Variants in SLC8A1 observed in about 807,000 individuals in gnomAD.
SLC8A1 encodes the protein solute carrier family 8 member A1.
A neutral mutation model predicts 68.3 loss-of-function variants in SLC8A1; 18 were observed. The ratio of observed to expected loss-of-function variants is 0.26; its 90% confidence interval spans 0.18 to 0.39. The LOEUF (loss-of-function observed/expected upper bound fraction) is 0.39, where lower values mean the gene tolerates loss of function less well. Among genes scored for constraint, SLC8A1 ranks in the 10% least tolerant of loss-of-function variants. SLC8A1 has a pLI of 1.00. For synonymous variants in SLC8A1, 475 were observed against 415.5 expected (o/e 1.14, Z -1.74); for missense variants, 985 against 1,156.7 (o/e 0.85, Z 2.15).
intron 2 of SLC8A1, chr2:40,251,468 A>C (rs1209846035): frequency 6.6e-6 from 1 of 152,228 alleles, no homozygotes; most frequent in Non-Finnish European, 1.5e-5. Context: ...CGTTCTTCCA[A>C]AAAGGGCCAT....
intron 2 of SLC8A1, among the ~76,000 whole-genome samples, chr2:40,288,661 AT>A (rs1410089090): frequency 6.6e-6 from 1 of 151,968 alleles, no homozygotes; most frequent in Non-Finnish European, 1.5e-5. Context: ...AATCATCCGC[AT>A]AGTATTTACA....
At chr2:40,425,328 CTA>C (rs3060371) in intron 2 of SLC8A1, among the ~76,000 whole-genome samples, 12,387 of 151,636 alleles carry the variant, frequency 0.082, 1,107 homozygotes, top group East Asian at 0.4. Context: ...ATTTAAATGA[CTA>C]TTTCTACACT....
intron 2 of SLC8A1, among the ~76,000 whole-genome samples, chr2:40,281,270 G>GT (rs934620820): frequency 1.2e-4 from 18 of 152,164 alleles, no homozygotes; most frequent in African/African-American, 4.1e-4. Flanking sequence ...GGTTGGGGGG[G>GT]TGCTCTGAGA....
chr2:40,243,215 G>T (rs1257582039), intron 2 of SLC8A1, among the ~76,000 whole-genome samples: 1 of 152,104 alleles, frequency 6.6e-6, no homozygotes, highest in Non-Finnish European at 1.5e-5. Flanking sequence ...GAAAATAAAG[G>T]CCAGGCGTGT....
chr2:40,402,759 A>T (rs1559537257), intron 2 of SLC8A1, among the ~76,000 whole-genome samples: 1 of 152,176 alleles, frequency 6.6e-6, no homozygotes, highest in African/African-American at 2.4e-5. Flanking sequence ...GTTTTCCATC[A>T]CAGGAAAGTA....
At chr2:40,352,793 T>G (rs370396301) in intron 2 of SLC8A1, among the ~76,000 whole-genome samples, 2 of 152,286 alleles carry the variant, frequency 1.3e-5, no homozygotes, top group East Asian at 1.9e-4. Context: ...TGGCTTTAAG[T>G]TAACACCAGG....
At chr2:40,259,702 G>A (rs978883232) in intron 2 of SLC8A1, among the ~76,000 whole-genome samples, 2 of 152,114 alleles carry the variant, frequency 1.3e-5, no homozygotes, top group African/African-American at 4.8e-5. Flanking sequence ...GGGTTTGGAG[G>A]TTGATTTACT....
intron 2 of SLC8A1, among the ~76,000 whole-genome samples, chr2:40,407,058 TCAG>T (rs1482139412): frequency 7.2e-5 from 11 of 152,214 alleles, no homozygotes; most frequent in Admixed American, 5.2e-4. Context: ...AGTATGTCAC[TCAG>T]CAGATTTGTG....
chr2:40,341,073 GA>G (rs1667543957), intron 2 of SLC8A1, among the ~76,000 whole-genome samples: 2 of 152,176 alleles, frequency 1.3e-5, no homozygotes, highest in South Asian at 4.1e-4. Flanking sequence ...GTAGTAGAGA[GA>G]AGAGGGGTTT....
chr2:40,351,324 C>A (rs561040762), intron 2 of SLC8A1, among the ~76,000 whole-genome samples: 1 of 152,192 alleles, frequency 6.6e-6, no homozygotes, highest in East Asian at 1.9e-4. Flanking sequence ...CTCACCTCTT[C>A]CACTCCTCAC....
At chr2:40,163,095 T>A (rs1382371304) in intron 5 of SLC8A1, among the ~76,000 whole-genome samples, 1 of 152,134 alleles carries the variant, frequency 6.6e-6, no homozygotes, top group Non-Finnish European at 1.5e-5. Flanking sequence ...CTGGAAATAA[T>A]CTATGGAAGC....
upstream of SLC8A1, chr2:40,453,185 G>T (rs1171732798): frequency 6.6e-6 from 1 of 152,164 alleles, no homozygotes; most frequent in Non-Finnish European, 1.5e-5. Context: ...AGATGCTGTA[G>T]AATCTGAGGC....
chr2:40,253,083 AAT>A (rs2063178831), intron 2 of SLC8A1, among the ~76,000 whole-genome samples: 3 of 144,668 alleles, frequency 2.1e-5, no homozygotes, highest in Admixed American at 6.9e-5. Context: ...TATGTGTATA[AAT>A]GTATATAGTA....
At position 40,314,712 on chromosome 2, in the gene SLC8A1, G is replaced by A. The variant is rs147567924; in HGVS notation, c.1808+113761C>T. On this transcript the variant is annotated intron_variant, in intron 2 of 7. Transcript: ENST00000406785. ...TTTTAATTTTCAGTGTACAAGTCTT[G>A]CCCATCTTTTGGTCAGATTTATCCC... is the stretch of plus-strand genomic sequence containing the variant. Among the ~76,000 whole-genome samples the A allele has an allele frequency of 8.6e-5, 13 of 152,002 alleles. No individual in the cohort carries two copies. The East Asian group carries it at 2.5e-3, about 29-fold the overall frequency.
chr2:40,305,972 G>A (rs1310350995), intron 2 of SLC8A1, among the ~76,000 whole-genome samples: 4 of 152,134 alleles, frequency 2.6e-5, no homozygotes, highest in African/African-American at 9.7e-5. Context: ...GGTGCATTTT[G>A]TTGCTTGGCA....
intron 2 of SLC8A1, among the ~76,000 whole-genome samples, chr2:40,268,151 G>A (rs1258557052): frequency 6.6e-6 from 1 of 152,172 alleles, no homozygotes; most frequent in African/African-American, 2.4e-5. Flanking sequence ...TGAAGAGCCA[G>A]AATTCCAATT....
chr2:40,222,248 C>G (rs1049808094), intron 2 of SLC8A1, among the ~76,000 whole-genome samples: 6 of 151,984 alleles, frequency 3.9e-5, no homozygotes, highest in Admixed American at 1.3e-4. Flanking sequence ...TGATCTTTGA[C>G]AAACCTGACC....
intron 4 of SLC8A1, among the ~76,000 whole-genome samples, chr2:40,173,193 G>A (rs565058560): frequency 1.3e-5 from 2 of 152,142 alleles, no homozygotes; most frequent in Admixed American, 1.3e-4. Flanking sequence ...AAATCTCCCA[G>A]GGATAACTCA....
chr2:40,446,161 G>T (rs1453212491), intron 1 of SLC8A1, among the ~76,000 whole-genome samples: 1 of 152,204 alleles, frequency 6.6e-6, no homozygotes, highest in Non-Finnish European at 1.5e-5. Context: ...AGAGGAAACA[G>T]AATCATCACC....
Sources: allele counts gnomAD v4.1 joint callset (sites outside exome capture counted in the v4.1 genomes callset), GRCh38; gene constraint gnomAD v4.1.1; transcripts MANE v1.5; gene names NCBI Gene and HGNC (gene_info 2026-07-23, HGNC 2026-07-21).